The following ELOVL2 variants were observed in gnomAD, a reference collection of about 807,000 sequenced individuals.
ELOVL2 encodes very long chain fatty acid elongase 2.
A neutral mutation model predicts 37.7 loss-of-function variants in ELOVL2; 38 were observed. The observed-to-expected ratio is 1.01, with a 90% confidence interval of 0.78 to 1.32. The LOEUF (loss-of-function observed/expected upper bound fraction) is 1.32, where lower values mean the gene tolerates loss of function less well. Ranked by LOEUF, ELOVL2 falls within the 40% of genes most tolerant of loss-of-function variation. The probability of loss-of-function intolerance (pLI) is 0.00; values close to 1 mark genes in which losing one functional copy is unlikely to be tolerated. For synonymous variants in ELOVL2, 115 were observed against 122.3 expected (o/e 0.94, Z 0.40); for missense variants, 352 against 363.6 (o/e 0.97, Z 0.26).
In ELOVL2 at chr6:11,044,305, C is replaced by A; in HGVS notation, c.-75G>T. On this transcript the variant is annotated 5_prime_UTR_variant, in exon 1 of 8. Coordinates refer to ENST00000354666, the MANE Select transcript of ELOVL2 (RefSeq NM_017770.4). This position sits in a 1 kb window ranked among gnomAD's most constrained non-coding sequence, Gnocchi z 5.6. The stretch of plus-strand genomic sequence containing the variant: ...TCCAGGGTAGCCGGGTCCCTCTGCC[C>A]GGCGCTATCTCGGCGCCCGCGCCGG... The A allele has an allele frequency of 4.1e-6, 5 of 1,214,692 alleles. No individual in the cohort carries two copies. The highest frequency in any genetic ancestry group is 5.1e-6 in the Non-Finnish European group (5 of 974,282). The allele number at this position is 1,214,692 out of a possible 1,614,324, so 75.2% of individuals were successfully genotyped here.
intron 7 of ELOVL2, among the ~76,000 whole-genome samples, chr6:10,985,279 A>T (rs1481123296): frequency 6.6e-6 from 1 of 151,802 alleles, no homozygotes; most frequent in African/African-American, 2.4e-5. Flanking sequence ...TCAGATGAGT[A>T]GGTTGTGAAA....
chr6:11,032,434 CTA>C (rs1782945852), intron 1 of ELOVL2, among the ~76,000 whole-genome samples: 1 of 151,640 alleles, frequency 6.6e-6, no homozygotes, highest in Admixed American at 6.6e-5. Context: ...TTTTTCTACT[CTA>C]TGTACTAAAC....
chr6:11,005,314 T>C, intron 3 of ELOVL2, 58 bp downstream of exon 3: 1 of 1,486,630 alleles, frequency 6.7e-7, no homozygotes, highest in Non-Finnish European at 9.2e-7. Context: ...ATGTGGTTGT[T>C]TCTGTTAATA....
rs776914003 is a variant in ELOVL2 at position 10,995,036 on chromosome 6, C to T, written c.476G>A (p.Cys159Tyr). 6.2e-6 allele frequency: 10 copies of T among 1,610,958 alleles called. No homozygotes were observed. The highest frequency in any genetic ancestry group is 7.6e-6 in the Non-Finnish European group (9 of 1,178,942). The part of the protein sequence containing the change: ...HHASMFNIWW[C>Y]VLNWIPCGQS... ...TCCACAAGGTATCCAGTTCAAGACACACCACCAGATGTTAAACATAGAAGC... is the reference window on the plus strand; with the variant it reads ...TCCACAAGGTATCCAGTTCAAGACATACCACCAGATGTTAAACATAGAAGC... Residue 159 changes from cysteine (C) to tyrosine (Y), a missense_variant, in exon 5 of 8, where the codon TGT becomes TAT. Physicochemically the swap from Cys to Tyr is radical, Grantham distance 194. Coordinates refer to ENST00000354666, the MANE Select transcript of ELOVL2 (RefSeq NM_017770.4).
rs1341056776 is a variant in ELOVL2, at chr6:10,981,010, C to T, written c.*2771G>A. 7.2e-5 allele frequency: 11 copies of T among 152,296 alleles called. No individual in the cohort carries two copies. The highest frequency in any genetic ancestry group is 1.5e-4 in the Non-Finnish European group (10 of 68,042). The allele number at this position is 152,296 out of a possible 1,614,324, so 9.4% of individuals were successfully genotyped here. Reference sequence around the variant, plus strand: ...TCCTAGATACAAAAGGCTGTTCTGCCCATCACAGTAAACACTGTTTTGCCT... The same window carrying T: ...TCCTAGATACAAAAGGCTGTTCTGCTCATCACAGTAAACACTGTTTTGCCT... On this transcript the variant is annotated 3_prime_UTR_variant, in exon 8 of 8. Coordinates refer to ENST00000354666, the MANE Select transcript of ELOVL2 (RefSeq NM_017770.4).
intron 7 of ELOVL2, among the ~76,000 whole-genome samples, chr6:10,988,834 G>A (rs1307556731): frequency 2.0e-5 from 3 of 152,138 alleles, no homozygotes; most frequent in Non-Finnish European, 4.4e-5. Flanking sequence ...CTTTGAAACT[G>A]CATTTTGAAG....
rs367977328 is a variant in ELOVL2 at position 10,995,182 on chromosome 6, T to C, written c.334-4A>G. The C allele has an allele frequency of 3.1e-5, 49 of 1,594,626 alleles. No homozygotes were observed. The African/African-American group carries it at 3.2e-4, about 11-fold the overall frequency. On this transcript the variant is annotated splice_region_variant and splice_polypyrimidine_tract_variant and intron_variant, in intron 4 of 7. Coordinates refer to ENST00000354666, the MANE Select transcript of ELOVL2 (RefSeq NM_017770.4). ...ACCACCAAAGCACCTTGGCTACCTATAGAAATTTGTAAAGGGGAGAAAAGG... is the reference window on the plus strand; with the variant it reads ...ACCACCAAAGCACCTTGGCTACCTACAGAAATTTGTAAAGGGGAGAAAAGG...
intron 1 of ELOVL2, among the ~76,000 whole-genome samples, chr6:11,013,840 C>T (rs1782624700): frequency 6.7e-6 from 1 of 148,344 alleles, no homozygotes; most frequent in African/African-American, 2.5e-5. Flanking sequence ...CCCTTCTGGT[C>T]ATCCTTTGGC....
chr6:11,030,891 TCCTGTGTCC>T lies in ELOVL2; in HGVS notation c.3+13328_3+13336del, dbSNP rs149943669. 7.8e-3 allele frequency among the ~76,000 whole-genome samples: 1,194 copies of T among 152,296 alleles called. 17 individuals carry two copies. The highest frequency in any genetic ancestry group is 0.027 in the African/African-American group (1,112 of 41,548). On this transcript the variant is annotated intron_variant, in intron 1 of 7. Transcript: ENST00000354666. ...TCACTCCCTTTGTACATCTTCCCAA[TCCTGTGTCC>T]CCTGTTCATTCATCAGATATAACTG...
chr6:10,992,791 A>AAAAC (rs1554110943), intron 5 of ELOVL2, among the ~76,000 whole-genome samples: 1 of 114,484 alleles, frequency 8.7e-6, no homozygotes, highest in Non-Finnish European at 1.7e-5. Context: ...CATCTCAAAA[A>AAAAC]AAACAAAACA....
intron 5 of ELOVL2, among the ~76,000 whole-genome samples, chr6:10,991,132 G>C (rs1333381274): frequency 6.6e-6 from 1 of 152,234 alleles, no homozygotes; most frequent in African/African-American, 2.4e-5. Context: ...GGTGAATAAG[G>C]CTTCAGGAAA....
At chr6:11,005,236 G>A (rs993589363) in intron 3 of ELOVL2, 136 bp downstream of exon 3, 1 of 702,134 alleles carries the variant, frequency 1.4e-6, no homozygotes, top group Non-Finnish European at 2.3e-6. Flanking sequence ...TTTTCAGAAA[G>A]AATAATATCA....
At chr6:10,987,887 C>CT (rs201001533) in intron 7 of ELOVL2, among the ~76,000 whole-genome samples, 4,371 of 144,648 alleles carry the variant, frequency 0.03, 172 homozygotes, top group East Asian at 0.2. Context: ...CTCATTTTCA[C>CT]TTTTTTTTTT....
At chr6:11,030,201 A>AT (rs1302696549) in intron 1 of ELOVL2, among the ~76,000 whole-genome samples, 2 of 152,190 alleles carry the variant, frequency 1.3e-5, no homozygotes, top group African/African-American at 2.4e-5. Context: ...CTAAAACTGC[A>AT]TGGATGTGGA....
chr6:11,026,105 A>G lies in ELOVL2; in HGVS notation c.4-15296T>C, dbSNP rs950860775. Among the ~76,000 whole-genome samples the G allele has an allele frequency of 3.9e-5, 6 of 152,206 alleles. No homozygotes were observed. The East Asian group carries it at 7.7e-4, about 20-fold the overall frequency. Reference sequence around the variant, plus strand: ...GAAGCAGCGACTGCAAGAGCCAGTTATGACAGCGTGGCTTCCCCTTTGCTA... The same window carrying G: ...GAAGCAGCGACTGCAAGAGCCAGTTGTGACAGCGTGGCTTCCCCTTTGCTA... On this transcript the variant is annotated intron_variant, in intron 1 of 7. Coordinates refer to ENST00000354666, the MANE Select transcript of ELOVL2 (RefSeq NM_017770.4).
chr6:11,030,855 T>C (rs1198897271), intron 1 of ELOVL2, among the ~76,000 whole-genome samples: 2 of 152,180 alleles, frequency 1.3e-5, no homozygotes, highest in South Asian at 2.1e-4. Flanking sequence ...GAAACACAAC[T>C]GATAAAGTTC....
chr6:10,990,676 C>A (rs1349964300), intron 5 of ELOVL2, among the ~76,000 whole-genome samples: 1 of 151,716 alleles, frequency 6.6e-6, no homozygotes, highest in Non-Finnish European at 1.5e-5. Flanking sequence ...TGCCCCCCCC[C>A]CGCCACACAG....
intron 7 of ELOVL2, among the ~76,000 whole-genome samples, chr6:10,988,984 G>T (rs2113469722): frequency 6.6e-6 from 1 of 152,276 alleles, no homozygotes; most frequent in East Asian, 1.9e-4. Flanking sequence ...TTTTAAACAT[G>T]AAATTCAATA....
At chr6:11,022,085 A>G (rs1378234933) in intron 1 of ELOVL2, among the ~76,000 whole-genome samples, 1 of 152,204 alleles carries the variant, frequency 6.6e-6, no homozygotes, top group Non-Finnish European at 1.5e-5. Flanking sequence ...CCGTGATGAA[A>G]AAGAATAGGA....
Sources: allele counts gnomAD v4.1 joint callset (sites outside exome capture counted in the v4.1 genomes callset), GRCh38; gene constraint gnomAD v4.1.1; non-coding constraint Gnocchi (gnomAD v3.1); transcripts MANE v1.5; gene names NCBI Gene and HGNC (gene_info 2026-07-23, HGNC 2026-07-21).